Variants in METTL8 observed in about 807,000 individuals in gnomAD.
METTL8 encodes the protein methyltransferase 8, tRNA N3-cytidine, also known as tRNA N(3)-cytidine methyltransferase METTL8, mitochondrial.
METTL8 carries 32 observed loss-of-function variants against 48.7 expected under a neutral mutation model. That is an observed-to-expected ratio of 0.66 (90% CI 0.50 to 0.88). METTL8 has a LOEUF of 0.88. Ranked by LOEUF, METTL8 falls within the 40% of genes least tolerant of loss-of-function variation. The pLI is 0.00. For synonymous variants in METTL8, 136 were observed against 157.1 expected (o/e 0.87, Z 1.01); for missense variants, 464 against 474.4 (o/e 0.98, Z 0.20).
intron 3 of METTL8, among the ~76,000 whole-genome samples, chr2:171,353,305 T>C (rs907153447): frequency 1.3e-5 from 2 of 152,238 alleles, no homozygotes; most frequent in Admixed American, 1.3e-4. Flanking sequence ...TCCTGAGTTC[T>C]AGTTTGATTG....
At chr2:171,388,184 CA>C (rs1197013451) in intron 2 of METTL8, among the ~76,000 whole-genome samples, 8 of 152,190 alleles carry the variant, frequency 5.3e-5, no homozygotes, top group Non-Finnish European at 1.0e-4. Context: ...TCTGCACAAG[CA>C]CCAAATTCTG....
intron 1 of METTL8, among the ~76,000 whole-genome samples, chr2:171,429,945 C>A (rs1248943036): frequency 6.6e-6 from 1 of 151,608 alleles, no homozygotes; most frequent in Non-Finnish European, 1.5e-5. Flanking sequence ...GAGGCTAAGA[C>A]AGGAGAATCA....
At chr2:171,334,065 G>A (rs1011825493) in intron 5 of METTL8, among the ~76,000 whole-genome samples, 10 of 145,586 alleles carry the variant, frequency 6.9e-5, no homozygotes, top group African/African-American at 2.7e-4. Flanking sequence ...AACTAACATA[G>A]TCCTCTAAAA....
At chr2:171,403,674 C>T (rs901246874) in intron 1 of METTL8, among the ~76,000 whole-genome samples, 1 of 151,960 alleles carries the variant, frequency 6.6e-6, no homozygotes, top group Non-Finnish European at 1.5e-5. Context: ...GGGGTATGGA[C>T]TATATGGAAC....
At chr2:171,332,707 C>T (rs1178126094) in intron 5 of METTL8, 2 of 152,164 alleles carry the variant, frequency 1.3e-5, no homozygotes, top group African/African-American at 4.8e-5. Context: ...GGTCCTGGCT[C>T]TCATGGGTTT....
chr2:171,319,057 G>A lies in METTL8; in HGVS notation c.*5115C>T, dbSNP rs962900859. ...TAAGAGTAGCTAAGCAGTTCAATAG[G>A]AACTAGGACCCATGCTTCCTGTTTG... On this transcript the variant is annotated 3_prime_UTR_variant, in exon 10 of 10. Coordinates refer to ENST00000375258, the MANE Select transcript of METTL8 (RefSeq NM_001321154.2). 4 of 152,064 alleles carry A rather than the reference G, an allele frequency of 2.6e-5. No individual in the cohort carries two copies. Among genetic ancestry groups the A allele is most frequent in the African/African-American group, 9.7e-5 (4 of 41,406 alleles). 9.4% of individuals were successfully genotyped at this position (152,064 alleles called of 1,614,324 possible).
intron 1 of METTL8, among the ~76,000 whole-genome samples, chr2:171,415,386 T>G (rs1435114065): frequency 2.2e-5 from 3 of 133,466 alleles, no homozygotes; most frequent in Non-Finnish European, 4.6e-5. Context: ...AGAGTCTCAC[T>G]CTGTTGCCCA....
intron 3 of METTL8, among the ~76,000 whole-genome samples, chr2:171,345,958 T>C (rs755769814): frequency 3.9e-5 from 6 of 152,112 alleles, no homozygotes; most frequent in Non-Finnish European, 7.4e-5. Flanking sequence ...AAAAAGGAAA[T>C]GTGGAATTAA....
chr2:171,433,586 G>C (rs1693408682), intron 1 of METTL8, among the ~76,000 whole-genome samples: 1 of 152,182 alleles, frequency 6.6e-6, no homozygotes, highest in Non-Finnish European at 1.5e-5. Flanking sequence ...CTTTTACTTA[G>C]AGACATCGAC....
chr2:171,347,480 C>T (rs1683400139), intron 3 of METTL8, among the ~76,000 whole-genome samples: 1 of 152,200 alleles, frequency 6.6e-6, no homozygotes, highest in South Asian at 2.1e-4. Context: ...TAAGGGAACA[C>T]TATCAGCACT....
chr2:171,392,997 T>C (rs947863184), intron 1 of METTL8, among the ~76,000 whole-genome samples: 6 of 151,564 alleles, frequency 4.0e-5, no homozygotes, highest in African/African-American at 1.5e-4. Flanking sequence ...CCCAGCTACT[T>C]GGAGGCTGAG....
chr2:171,357,131 G>A lies in METTL8; in HGVS notation c.235+3291C>T, dbSNP rs369475421. 1.5e-4 allele frequency among the ~76,000 whole-genome samples: 22 copies of A among 151,398 alleles called. 1 individual carries two copies. Among genetic ancestry groups the A allele is most frequent in the African/African-American group, 5.3e-4 (22 of 41,262 alleles). ...CACCACAATTCCCAGCTAATTTTTT[G>A]TATTTTTAGTAGAGATAGGGTTTCA... On this transcript the variant is annotated intron_variant, in intron 3 of 9. Transcript: ENST00000375258.
rs1409204399 is a variant in METTL8, at chr2:171,323,749, TTC to T, written c.*421_*422del. 1.3e-5 allele frequency: 2 copies of T among 153,674 alleles called. No homozygotes were observed. The highest frequency in any genetic ancestry group is 2.9e-5 in the Non-Finnish European group (2 of 69,154). 9.5% of individuals were successfully genotyped at this position (153,674 alleles called of 1,614,324 possible). A position where few individuals can be genotyped will look rare whatever the true frequency, so the allele number is the denominator to read the frequency against. On this transcript the variant is annotated 3_prime_UTR_variant, in exon 10 of 10. Coordinates refer to ENST00000375258, the MANE Select transcript of METTL8 (RefSeq NM_001321154.2). ...GCTTTCCCTGGAAATAAGGTGTGCT[TTC>T]TCTCTGCAATCAGATGACAATGGGA... is the stretch of plus-strand genomic sequence containing the variant.
At chr2:171,414,433 C>A (rs960178835) in intron 1 of METTL8, among the ~76,000 whole-genome samples, 2 of 144,272 alleles carry the variant, frequency 1.4e-5, no homozygotes, top group African/African-American at 2.6e-5. Flanking sequence ...AAAAAAAAAA[C>A]ATCTTGCTAA....
intron 2 of METTL8, among the ~76,000 whole-genome samples, chr2:171,380,164 T>C (rs1380200326): frequency 6.6e-6 from 1 of 152,188 alleles, no homozygotes; most frequent in Non-Finnish European, 1.5e-5. Context: ...ATTATTTCAA[T>C]AGATGCAGAA....
At chr2:171,417,940 T>C (rs1303620356) in intron 1 of METTL8, among the ~76,000 whole-genome samples, 2 of 152,128 alleles carry the variant, frequency 1.3e-5, no homozygotes, top group Non-Finnish European at 2.9e-5. Context: ...CATGAGATCA[T>C]GTCATCATGT....
intron 3 of METTL8, among the ~76,000 whole-genome samples, chr2:171,350,673 T>A (rs572566814): frequency 1.3e-5 from 2 of 152,238 alleles, no homozygotes; most frequent in Non-Finnish European, 2.9e-5. Context: ...TGTGAGATGG[T>A]ATCTCATTGT....
intron 1 of METTL8, among the ~76,000 whole-genome samples, chr2:171,411,486 G>A (rs1287280226): frequency 6.6e-6 from 1 of 152,110 alleles, no homozygotes; most frequent in African/African-American, 2.4e-5. Flanking sequence ...CAAAGCAAAT[G>A]GAACAGAATA....
At chr2:171,351,861 G>A (rs1310157970) in intron 3 of METTL8, among the ~76,000 whole-genome samples, 2 of 152,140 alleles carry the variant, frequency 1.3e-5, no homozygotes, top group African/African-American at 4.8e-5. Flanking sequence ...AGGAGATTTT[G>A]GGCTGAGACA....
Sources: gnomAD v4.1 joint callset for allele counts (sites outside exome capture counted in the v4.1 genomes callset) on GRCh38, gnomAD v4.1.1 for gene constraint, MANE v1.5 for transcripts, NCBI Gene and HGNC (gene_info 2026-07-23, HGNC 2026-07-21) for gene names.